ZDHHC11B: variants seen among roughly 807,000 people sequenced by gnomAD.
The protein encoded by ZDHHC11B is zDHHC palmitoyltransferase 11B (putative), also known as probable palmitoyltransferase ZDHHC11B.
ZDHHC11B carries 17 observed loss-of-function variants against 42.3 expected under a neutral mutation model. The ratio of observed to expected loss-of-function variants is 0.40; its 90% CI spans 0.27 to 0.60. The LOEUF is 0.60. ZDHHC11B is among the 20% of genes least tolerant of loss of function. The probability of loss-of-function intolerance (pLI) is 0.41; values close to 1 mark genes in which losing one functional copy is unlikely to be tolerated. For synonymous variants in ZDHHC11B, 123 were observed against 193.5 expected (o/e 0.64, Z 3.02); for missense variants, 262 against 463.2 (o/e 0.57, Z 3.99).
chr5:779,047 C>G (rs1401408143), intron 1 of ZDHHC11B, among the ~76,000 whole-genome samples: 1 of 151,184 alleles, frequency 6.6e-6, no homozygotes, highest in African/African-American at 2.5e-5. Context: ...CTTGGACTCT[C>G]CAGCCTCCAG....
chr5:770,386 C>G (rs1358259363), intron 1 of ZDHHC11B, among the ~76,000 whole-genome samples: 1 of 150,160 alleles, frequency 6.7e-6, no homozygotes, highest in Non-Finnish European at 1.5e-5. Flanking sequence ...CCAAATAAAG[C>G]CAGCAGCACG....
At chr5:783,499 T>G (rs1158612132) in intron 1 of ZDHHC11B, among the ~76,000 whole-genome samples, 7 of 139,110 alleles carry the variant, frequency 5.0e-5, no homozygotes, top group Non-Finnish European at 6.4e-5. Flanking sequence ...GTGGCCGGGG[T>G]GGGCGGAGGG....
chr5:776,967 C>A (rs1215752040), intron 1 of ZDHHC11B, among the ~76,000 whole-genome samples: 1 of 151,924 alleles, frequency 6.6e-6, no homozygotes, highest in South Asian at 2.1e-4. Context: ...GGCAGAGCTC[C>A]CAATCAGAAC....
chr5:775,399 C>T (rs551342105), intron 1 of ZDHHC11B, among the ~76,000 whole-genome samples: 64 of 152,082 alleles, frequency 4.2e-4, no homozygotes, highest in Non-Finnish European at 8.1e-4. Context: ...CATGCAGGCA[C>T]AGCCTGAGGG....
chr5:730,409 G>T (rs116584029), intron 12 of ZDHHC11B, 25 bp downstream of exon 12: 1 of 1,574,596 alleles, frequency 6.4e-7, no homozygotes, highest in African/African-American at 1.4e-5. Flanking sequence ...CAGATAAAAC[G>T]TTCCCATTAA....
chr5:747,893 T>A (rs1257879252), intron 8 of ZDHHC11B: 17 of 248,466 alleles, frequency 6.8e-5, no homozygotes, highest in African/African-American at 3.7e-4. Flanking sequence ...CCCTCCGTCG[T>A]TCAGCAACAT....
At position 777,880 on chromosome 5, in the gene ZDHHC11B, G is replaced by A. The variant is rs985982408; in HGVS notation, c.-230+6788C>T. 1.5e-4 allele frequency among the ~76,000 whole-genome samples: 22 copies of A among 151,628 alleles called. 1 individual carries two copies. The highest frequency in any genetic ancestry group is 3.4e-3 in the Middle Eastern group (1 of 292). On this transcript the variant is annotated intron_variant, in intron 1 of 13. Coordinates refer to ENST00000508859, the MANE Select transcript of ZDHHC11B (RefSeq NM_001351303.2). The stretch of plus-strand genomic sequence containing the variant: ...GACCCGGCGGGGGCGGCGCCCTTCC[G>A]GGAGGCCCCAGCACCGAGGGAGCCC...
In ZDHHC11B at chr5:732,941, C is replaced by T. The variant is rs182119521; in HGVS notation, c.1023+811G>A. 1.3e-4 allele frequency among the ~76,000 whole-genome samples: 19 copies of T among 151,880 alleles called. No individual in the cohort carries two copies. In the East Asian group the frequency reaches 1.7e-3, roughly 14 times the overall value. On this transcript the variant is annotated intron_variant, in intron 11 of 13. Coordinates refer to ENST00000508859, the MANE Select transcript of ZDHHC11B (RefSeq NM_001351303.2). ...GTGTGGTGGCACACACCTGTACTTTCGGCTATTCGGGAGGCTGAGGTGGGA... is the reference window on the plus strand; with the variant it reads ...GTGTGGTGGCACACACCTGTACTTTTGGCTATTCGGGAGGCTGAGGTGGGA...
At chr5:730,895 G>C (rs1216326212) in intron 11 of ZDHHC11B, among the ~76,000 whole-genome samples, 1 of 151,894 alleles carries the variant, frequency 6.6e-6, no homozygotes, top group African/African-American at 2.4e-5. Flanking sequence ...TACAAGGCAA[G>C]GAGAGAGGCC....
intron 6 of ZDHHC11B, among the ~76,000 whole-genome samples, chr5:751,645 A>G (rs1745772312): frequency 7.8e-6 from 1 of 127,734 alleles, no homozygotes; most frequent in African/African-American, 2.5e-5. Flanking sequence ...GTGGGCGTCC[A>G]CTTGAGAGAG....
At chr5:773,325 AC>A (rs1235583703) in intron 1 of ZDHHC11B, among the ~76,000 whole-genome samples, 3 of 151,758 alleles carry the variant, frequency 2.0e-5, no homozygotes, top group Non-Finnish European at 4.4e-5. Context: ...AGACCCTCAC[AC>A]CATTTCCCCC....
intron 9 of ZDHHC11B, among the ~76,000 whole-genome samples, chr5:742,581 T>A (rs1320508830): frequency 6.7e-6 from 1 of 148,412 alleles, no homozygotes; most frequent in Non-Finnish European, 1.5e-5. Context: ...ACTTCAAGCG[T>A]CTGTGTAAGC....
rs1393624850 is a variant in ZDHHC11B, at chr5:766,693, G to A, written c.222+5C>T. On this transcript the variant is annotated splice_donor_5th_base_variant and intron_variant, in intron 4 of 13. Coordinates refer to ENST00000508859, the MANE Select transcript of ZDHHC11B (RefSeq NM_001351303.2). ...GCTTAGACCATGCCACGATGAAAAG[G>A]ATACCACATAGGCGATGTATTTCCA... 41 of 1,604,480 alleles carry A rather than the reference G, an allele frequency of 2.6e-5. No individual in the cohort carries two copies. Among genetic ancestry groups the A allele is most frequent in the East Asian group, 4.5e-5 (2 of 44,696 alleles).
chr5:731,654 G>T (rs411292), intron 11 of ZDHHC11B, among the ~76,000 whole-genome samples: 1,724 of 142,310 alleles, frequency 0.012, 46 homozygotes, highest in Admixed American at 0.067. Flanking sequence ...GCCTGTGGCT[G>T]ATATTTTCAT....
At chr5:753,719 G>A (rs559296644) in intron 6 of ZDHHC11B, among the ~76,000 whole-genome samples, 131 of 148,414 alleles carry the variant, frequency 8.8e-4, no homozygotes, top group African/African-American at 3.1e-3. Flanking sequence ...CTCTGGACTC[G>A]CTGTGCGGTC....
chr5:759,625 C>A (rs1311497254), intron 4 of ZDHHC11B, among the ~76,000 whole-genome samples: 1 of 151,932 alleles, frequency 6.6e-6, no homozygotes, highest in African/African-American at 2.4e-5. Context: ...GAAGAACAGA[C>A]GCGGGCACGC....
intron 9 of ZDHHC11B, among the ~76,000 whole-genome samples, chr5:743,920 T>C (rs966449111): frequency 1.3e-5 from 2 of 149,910 alleles, no homozygotes; most frequent in African/African-American, 4.9e-5. Context: ...AGTGGTGTCA[T>C]CACCTGTGCC....
chr5:764,345 G>A (rs775748633), intron 4 of ZDHHC11B, among the ~76,000 whole-genome samples: 39 of 149,940 alleles, frequency 2.6e-4, no homozygotes, highest in Admixed American at 5.4e-4. Context: ...TGGGCTGGCC[G>A]AGGCCAGAGC....
chr5:767,103 G>T (rs1365779447), intron 3 of ZDHHC11B, among the ~76,000 whole-genome samples, 184 bp from the exon 4 acceptor site: 1 of 151,942 alleles, frequency 6.6e-6, no homozygotes, highest in East Asian at 1.9e-4. Context: ...TGGAGTCGGT[G>T]CAGGGCCCTG....
Sources: gnomAD v4.1 joint callset for allele counts (sites outside exome capture counted in the v4.1 genomes callset) on GRCh38, gnomAD v4.1.1 for gene constraint, MANE v1.5 for transcripts, NCBI Gene and HGNC (gene_info 2026-07-23, HGNC 2026-07-21) for gene names.